The following EBPL variants were observed in gnomAD, a reference collection of about 807,000 sequenced individuals.
The protein encoded by EBPL is emopamil-binding protein-like.
A neutral mutation model predicts 19.0 loss-of-function variants in EBPL; 20 were observed. That is an observed-to-expected ratio of 1.05 (90% CI 0.74 to 1.53). EBPL has a LOEUF of 1.53. Ranked by LOEUF, EBPL falls within the 40% of genes most tolerant of loss-of-function variation. The pLI, the probability that EBPL is intolerant of heterozygous loss-of-function variation, is 0.00. For missense variants in EBPL, 219 were observed against 261.1 expected (o/e 0.84, Z 1.11); for synonymous variants, 107 against 117.0 (o/e 0.91, Z 0.55).
At chr13:49,690,509 G>A in intron 1 of EBPL, among the ~76,000 whole-genome samples, 1 of 150,996 alleles carries the variant, frequency 6.6e-6, no homozygotes, top group East Asian at 1.9e-4. Context: ...GTGTGGTGGG[G>A]GGCGGGGCAT....
chr13:49,667,869 A>G (rs1953755809), intron 2 of EBPL, among the ~76,000 whole-genome samples: 1 of 152,308 alleles, frequency 6.6e-6, no homozygotes, highest in East Asian at 1.9e-4. Context: ...CATGGGATTG[A>G]GCCAAATCTG....
intron 1 of EBPL, among the ~76,000 whole-genome samples, chr13:49,684,162 G>A (rs1953972556): frequency 6.6e-6 from 1 of 152,104 alleles, no homozygotes; most frequent in African/African-American, 2.4e-5. Flanking sequence ...GAAGCGTGAT[G>A]GAAACGTTCT....
chr13:49,678,465 G>A (rs1046169048), intron 1 of EBPL, among the ~76,000 whole-genome samples: 3 of 152,228 alleles, frequency 2.0e-5, no homozygotes, highest in African/African-American at 7.2e-5. Flanking sequence ...GTGGGGAAGC[G>A]GCTCAGGCCC....
chr13:49,674,130 A>T (rs532283272), intron 1 of EBPL, among the ~76,000 whole-genome samples: 17 of 152,016 alleles, frequency 1.1e-4, no homozygotes, highest in African/African-American at 4.1e-4. Flanking sequence ...CTTTTTTTAG[A>T]CAGAGTCTTG....
At chr13:49,678,784 TGAG>T (rs1297316889) in intron 1 of EBPL, among the ~76,000 whole-genome samples, 2 of 151,956 alleles carry the variant, frequency 1.3e-5, no homozygotes, top group African/African-American at 4.8e-5. Context: ...ATGCCGAGGC[TGAG>T]GAGGCACCGA....
intron 1 of EBPL, among the ~76,000 whole-genome samples, chr13:49,680,285 G>A (rs1428179727): frequency 6.6e-6 from 1 of 152,210 alleles, no homozygotes; most frequent in African/African-American, 2.4e-5. Flanking sequence ...GCAGGCACCT[G>A]TCCCTGAAGA....
At chr13:49,661,266 A>C in intron 3 of EBPL, 58 bp from the exon 4 acceptor site, 1 of 1,371,336 alleles carries the variant, frequency 7.3e-7, no homozygotes, top group Non-Finnish European at 1.0e-6. Flanking sequence ...TTGGCATCAG[A>C]GTCATGACAT....
At chr13:49,689,715 C>T (rs1050865518) in intron 1 of EBPL, among the ~76,000 whole-genome samples, 1 of 152,174 alleles carries the variant, frequency 6.6e-6, no homozygotes, top group African/African-American at 2.4e-5. Context: ...ATATGTTACA[C>T]AGTTTTCTCT....
intron 1 of EBPL, among the ~76,000 whole-genome samples, chr13:49,684,079 C>T (rs1483697440): frequency 6.6e-6 from 1 of 152,124 alleles, no homozygotes; most frequent in Non-Finnish European, 1.5e-5. Flanking sequence ...AGACAGAAGG[C>T]AGACGGGTGT....
rs573095750 is a variant in EBPL at position 49,669,312 on chromosome 13, C to T, written c.241+465G>A. Among the ~76,000 whole-genome samples the T allele has an allele frequency of 4.6e-5, 7 of 152,046 alleles. No homozygotes were observed. In the South Asian group the frequency reaches 1.0e-3, roughly 23 times the overall value. ...AACTCCTGGGCTCAAAAGATTCTCC[C>T]GCCTCAGCCTCCTGAGTAGCTGGGA... On this transcript the variant is annotated intron_variant, in intron 2 of 3. Coordinates refer to ENST00000242827, the MANE Select transcript of EBPL (RefSeq NM_032565.5).
chr13:49,686,553 G>C (rs1194808905), intron 1 of EBPL: 1 of 1,289,490 alleles, frequency 7.8e-7, no homozygotes, highest in Non-Finnish European at 1.0e-6. Flanking sequence ...GTGGATCCCA[G>C]GACCCCAGCA....
Position 49,691,278 on chromosome 13 carries a change from G to A in EBPL, c.147C>T (p.Tyr49=). 7.1e-7 allele frequency: 1 copy of A among 1,404,610 alleles called. No individual in the cohort carries two copies. The highest frequency in any genetic ancestry group is 1.5e-5 in the African/African-American group (1 of 67,788). 87.0% of individuals were successfully genotyped at this position (1,404,610 alleles called of 1,614,324 possible). A position where few individuals can be genotyped will look rare whatever the true frequency, so the allele number is the denominator to read the frequency against. The change falls in exon 1 of 4, where the codon TAC becomes TAT. Residue 49 remains tyrosine (Y), a synonymous_variant. Coordinates refer to ENST00000242827, the MANE Select transcript of EBPL (RefSeq NM_032565.5). ...CCAGCGCGAAGTGCACCAGCGCGTC[G>A]TAGCAGAGCCAGATGAGCGCCCCGC... ...ADRGALIWLC[Y]DALVHFALEG... is the part of the protein sequence containing the mutation.
intron 2 of EBPL, among the ~76,000 whole-genome samples, chr13:49,665,507 G>A (rs1210108343): frequency 6.6e-6 from 1 of 152,180 alleles, no homozygotes; most frequent in South Asian, 2.1e-4. Context: ...CTGACCTCAG[G>A]TGATCCACCT....
At chr13:49,682,667 T>C (rs764193007) in intron 1 of EBPL, among the ~76,000 whole-genome samples, 5 of 152,248 alleles carry the variant, frequency 3.3e-5, no homozygotes, top group African/African-American at 4.8e-5. Context: ...CGCTAAGTTA[T>C]AAGGCTTTAT....
chr13:49,668,239 A>C (rs550099522), intron 2 of EBPL: 2 of 168,716 alleles, frequency 1.2e-5, no homozygotes, highest in African/African-American at 4.8e-5. Context: ...GGAGTCCCCC[A>C]CACAGATCCT....
chr13:49,668,684 C>T (rs1368976276), intron 2 of EBPL: 1 of 367,438 alleles, frequency 2.7e-6, no homozygotes, highest in African/African-American at 2.2e-5. Context: ...AAAAAAATAC[C>T]TGTTGGTATT....
intron 1 of EBPL, among the ~76,000 whole-genome samples, chr13:49,685,878 G>A (rs1953991898): frequency 6.6e-6 from 1 of 151,744 alleles, no homozygotes. Context: ...AAAAAAAAAA[G>A]GGACAAGAAT....
chr13:49,689,473 CCGGGTAG>C (rs1442092626), intron 1 of EBPL, among the ~76,000 whole-genome samples: 1 of 152,092 alleles, frequency 6.6e-6, no homozygotes, highest in African/African-American at 2.4e-5. Flanking sequence ...CCTCAGCCAC[CCGGGTAG>C]CTGAGATTAT....
At chr13:49,663,623 T>A (rs532385481) in intron 2 of EBPL, among the ~76,000 whole-genome samples, 93 of 152,286 alleles carry the variant, frequency 6.1e-4, no homozygotes, top group Middle Eastern at 3.4e-3. Flanking sequence ...GGAAATTTGT[T>A]ATGAAGGACA....
Sources: gnomAD v4.1 joint callset for allele counts (sites outside exome capture counted in the v4.1 genomes callset) on GRCh38, gnomAD v4.1.1 for gene constraint, MANE v1.5 for transcripts, NCBI Gene and HGNC (gene_info 2026-07-23, HGNC 2026-07-21) for gene names.